Variants in SMURF2 observed in about 807,000 individuals in gnomAD.
SMURF2 encodes the protein E3 ubiquitin-protein ligase SMURF2.
Under a neutral mutation model 109.6 loss-of-function variants are expected in SMURF2, and 48 were observed. The observed-to-expected ratio is 0.44, with a 90% CI of 0.35 to 0.56. The LOEUF (loss-of-function observed/expected upper bound fraction) is 0.56, where lower values mean the gene tolerates loss of function less well. Ranked by LOEUF, SMURF2 falls within the 20% of genes least tolerant of loss-of-function variation. The pLI, the probability that SMURF2 is intolerant of heterozygous loss-of-function variation, is 0.01. For synonymous variants in SMURF2, 288 were observed against 317.1 expected (o/e 0.91, Z 0.97); for missense variants, 575 against 909.0 (o/e 0.63, Z 4.72).
At chr17:64,615,990 C>T (rs891712242) in intron 1 of SMURF2, among the ~76,000 whole-genome samples, 20 of 152,116 alleles carry the variant, frequency 1.3e-4, no homozygotes, top group Admixed American at 1.0e-3. Flanking sequence ...CCACCACACT[C>T]GGCTAATTGC....
rs1333589026 is a variant in SMURF2, at chr17:64,543,045, A to G, written c.*2803T>C. 1 of 152,204 alleles carries G rather than the reference A, an allele frequency of 6.6e-6. No individual in the cohort carries two copies. Among genetic ancestry groups the G allele is most frequent in the Non-Finnish European group, 1.5e-5 (1 of 68,030 alleles). The allele number at this position is 152,204 out of a possible 1,614,324, so 9.4% of individuals were successfully genotyped here. ...TGAAAACAGATATCACATATCTGAA[A>G]TAACAATACAGCTAGAGGGAAGACA... On this transcript the variant is annotated 3_prime_UTR_variant, in exon 19 of 19. Transcript: ENST00000262435.
intron 8 of SMURF2, among the ~76,000 whole-genome samples, chr17:64,579,024 T>C (rs547986475): frequency 1.3e-5 from 2 of 152,300 alleles, no homozygotes; most frequent in South Asian, 4.1e-4. Flanking sequence ...TTCTCTTTGC[T>C]AGACAAAGGT....
chr17:64,634,025 G>T (rs377564573), intron 1 of SMURF2, among the ~76,000 whole-genome samples: 2 of 152,030 alleles, frequency 1.3e-5, no homozygotes, highest in Non-Finnish European at 2.9e-5. Flanking sequence ...GTGGTGGTGC[G>T]CGCCTGTAAT....
At chr17:64,645,006 C>CAA (rs368164529) in intron 1 of SMURF2, among the ~76,000 whole-genome samples, 6,975 of 131,856 alleles carry the variant, frequency 0.053, 278 homozygotes, top group Admixed American at 0.15. Flanking sequence ...AAGACTGTCT[C>CAA]AAAAAAAAAA....
At chr17:64,648,058 T>TAAAAAAA (rs56131846) in intron 1 of SMURF2, among the ~76,000 whole-genome samples, 3 of 17,686 alleles carry the variant, frequency 1.7e-4, no homozygotes, top group African/African-American at 5.0e-4. Context: ...CCCTATCTCT[T>TAAAAAAA]AAAAAAAAAA....
Position 64,562,937 on chromosome 17 carries a change from T to C in SMURF2, c.1046A>G (p.Gln349Arg). 1.2e-6 allele frequency: 2 copies of C among 1,613,950 alleles called. No homozygotes were observed. The highest frequency in any genetic ancestry group is 1.7e-6 in the Non-Finnish European group (2 of 1,179,872). Reference protein sequence around the residue: ...NRQNQLKDQQQQQVVSLCPDD... With the variant: ...NRQNQLKDQQRQQVVSLCPDD... ...AGGACATAACGATACCACTTGCTGTTGCTGTTGGTCTTTCAATTGGTTCTG... is the reference window on the plus strand; with the variant it reads ...AGGACATAACGATACCACTTGCTGTCGCTGTTGGTCTTTCAATTGGTTCTG... Residue 349 changes from glutamine (Q) to arginine (R), a missense_variant, in exon 11 of 19, where the codon CAA becomes CGA. This residue lies in a region of SMURF2 where 361 missense variants were observed against 612.1 expected (regional missense o/e 0.59). Transcript: ENST00000262435.
intron 1 of SMURF2, among the ~76,000 whole-genome samples, chr17:64,624,041 T>C (rs1394656042): frequency 3.3e-5 from 5 of 152,218 alleles, no homozygotes; most frequent in African/African-American, 9.7e-5. Context: ...TATGATATAA[T>C]TACAATATTC....
intron 1 of SMURF2, among the ~76,000 whole-genome samples, chr17:64,618,716 A>G (rs1023226845): frequency 8.5e-5 from 13 of 152,190 alleles, no homozygotes; most frequent in African/African-American, 3.1e-4. Flanking sequence ...AGGAAACCTT[A>G]TTGTAAAGTT....
intron 1 of SMURF2, among the ~76,000 whole-genome samples, chr17:64,657,765 C>A (rs1346194663): frequency 1.3e-5 from 2 of 150,674 alleles, no homozygotes; most frequent in Non-Finnish European, 2.9e-5. Flanking sequence ...CTAAGCATGA[C>A]CCTTCATTTA....
intron 15 of SMURF2, among the ~76,000 whole-genome samples, chr17:64,554,418 G>C (rs1453429425): frequency 6.6e-6 from 1 of 152,142 alleles, no homozygotes; most frequent in African/African-American, 2.4e-5. Context: ...GAGTGGCTAT[G>C]GGGGGAGGGA....
chr17:64,611,687 C>A (rs1479198684), intron 1 of SMURF2, among the ~76,000 whole-genome samples: 11 of 152,182 alleles, frequency 7.2e-5, no homozygotes, highest in Admixed American at 5.9e-4. Flanking sequence ...TTACAACATT[C>A]CCCTGCCTCA....
Position 64,554,866 on chromosome 17 carries a change from C to G in SMURF2, c.1738G>C (p.Glu580Gln). 1 of 1,613,348 alleles carries G rather than the reference C, an allele frequency of 6.2e-7. No individual in the cohort carries two copies. Among genetic ancestry groups the G allele is most frequent in the Non-Finnish European group, 8.5e-7 (1 of 1,179,704 alleles). ...SIPVNEENKK[E>Q]YVRLYVNWRF... ...CACAGGAGTGTTTACCTGACATATT[C>G]TTTTTTATTTTCTTCATTAACAGGG... Residue 580 changes from glutamate to glutamine, a missense_variant, in exon 15 of 19, where the codon GAA becomes CAA. This residue lies in a region of SMURF2 where 361 missense variants were observed against 612.1 expected (regional missense o/e 0.59). Transcript: ENST00000262435.
intron 10 of SMURF2, among the ~76,000 whole-genome samples, chr17:64,568,820 G>A (rs904271008): frequency 3.3e-5 from 5 of 151,798 alleles, no homozygotes; most frequent in African/African-American, 9.7e-5. Flanking sequence ...TGGCTAACAC[G>A]GTGAAACTTC....
chr17:64,615,742 C>A (rs1970112042), intron 1 of SMURF2, among the ~76,000 whole-genome samples: 2 of 151,948 alleles, frequency 1.3e-5, no homozygotes, highest in Admixed American at 6.6e-5. Flanking sequence ...TAAAAATGAT[C>A]AGTTAAGTAA....
chr17:64,592,970 C>T (rs1419452418), intron 4 of SMURF2: 1 of 152,184 alleles, frequency 6.6e-6, no homozygotes, highest in African/African-American at 2.4e-5. Flanking sequence ...ATTCTTACCC[C>T]TTCGTAATTG....
At chr17:64,559,378 A>G (rs1265127770) in intron 12 of SMURF2, among the ~76,000 whole-genome samples, 1 of 151,992 alleles carries the variant, frequency 6.6e-6, no homozygotes, top group Non-Finnish European at 1.5e-5. Flanking sequence ...GGCAGATCAC[A>G]AGGTCAGGAG....
intron 8 of SMURF2, 35 bp from the exon 9 acceptor site, chr17:64,578,611 T>A (rs782642203): frequency 2.1e-6 from 3 of 1,432,012 alleles, no homozygotes; most frequent in Non-Finnish European, 3.0e-6. Context: ...ACAAAAACAT[T>A]CAGAGTGTCC....
chr17:64,548,461 C>T (rs1264502395), intron 16 of SMURF2, among the ~76,000 whole-genome samples: 3 of 152,074 alleles, frequency 2.0e-5, no homozygotes, highest in Non-Finnish European at 4.4e-5. Flanking sequence ...GATCTAGGCT[C>T]ACTGCAACCT....
intron 12 of SMURF2, chr17:64,561,095 T>TAC (rs2144603545): frequency 5.8e-6 from 1 of 171,080 alleles, no homozygotes; most frequent in South Asian, 1.5e-4. Context: ...TACATGTGTA[T>TAC]ACACACATGC....
Sources: allele counts gnomAD v4.1 joint callset (sites outside exome capture counted in the v4.1 genomes callset), GRCh38; gene constraint gnomAD v4.1.1; regional missense constraint gnomAD v4.1.1; transcripts MANE v1.5; gene names NCBI Gene and HGNC (gene_info 2026-07-23, HGNC 2026-07-21).